The following AKAP13 variants were observed in gnomAD, a reference collection of about 807,000 sequenced individuals.
The protein encoded by AKAP13 is A-kinase anchoring protein 13, also known as A-kinase anchor protein 13.
AKAP13 carries 80 observed loss-of-function variants against 264.5 expected under a neutral mutation model. The observed-to-expected ratio is 0.30, with a 90% confidence interval of 0.25 to 0.36. AKAP13 has a LOEUF of 0.36. Ranked by LOEUF, AKAP13 falls within the 10% of genes least tolerant of loss-of-function variation. AKAP13 has a pLI of 1.00. For synonymous variants in AKAP13, 1,380 were observed against 1,250.2 expected (o/e 1.10, Z -2.19); for missense variants, 3,712 against 3,435.2 (o/e 1.08, Z -2.01).
intron 16 of AKAP13, among the ~76,000 whole-genome samples, chr15:85,688,637 G>A (rs2085082297): frequency 6.6e-6 from 1 of 152,152 alleles, no homozygotes; most frequent in African/African-American, 2.4e-5. Flanking sequence ...CATGTCCAAA[G>A]AAGCCAAAAG....
intron 5 of AKAP13, among the ~76,000 whole-genome samples, chr15:85,544,390 A>G (rs2077666568): frequency 6.6e-6 from 1 of 152,202 alleles, no homozygotes; most frequent in Non-Finnish European, 1.5e-5. Flanking sequence ...CTTCCATATT[A>G]TAATTGCATA....
intron 4 of AKAP13, among the ~76,000 whole-genome samples, chr15:85,538,136 A>C (rs187943778): frequency 6.6e-6 from 1 of 152,056 alleles, no homozygotes; most frequent in African/African-American, 2.4e-5. Flanking sequence ...TTTCCCTGAG[A>C]GACCCTTGTG....
At chr15:85,650,788 A>AAC (rs2082790241) in intron 10 of AKAP13, among the ~76,000 whole-genome samples, 14 of 125,046 alleles carry the variant, frequency 1.1e-4, no homozygotes, top group Middle Eastern at 4.5e-3. Context: ...AAAAAAAAAA[A>AAC]AACAACAAAA....
intron 17 of AKAP13, among the ~76,000 whole-genome samples, chr15:85,693,682 A>C (rs1316926487): frequency 6.6e-6 from 1 of 152,246 alleles, no homozygotes; most frequent in Non-Finnish European, 1.5e-5. Flanking sequence ...AAGATGGTTC[A>C]GCCTAGCTTT....
rs1447219741 is a variant in AKAP13, at chr15:85,718,173, T to G, written c.6001+14T>G. 54 of 1,612,832 alleles carry G rather than the reference T, an allele frequency of 3.3e-5. No homozygotes were observed. Among genetic ancestry groups the G allele is most frequent in the Non-Finnish European group, 4.4e-5 (52 of 1,179,170 alleles). ...AAGTAATATATGGTGAGAGTCTTCATTTTGCTCTGATTATATTTGATTTCC... is the reference window on the plus strand; with the variant it reads ...AAGTAATATATGGTGAGAGTCTTCAGTTTGCTCTGATTATATTTGATTTCC... On this transcript the variant is annotated intron_variant, in intron 22 of 36. Transcript: ENST00000394518. The surrounding 1 kb of genome is among the most constrained non-coding windows in gnomAD (Gnocchi z 4.9).
intron 14 of AKAP13, among the ~76,000 whole-genome samples, chr15:85,679,171 G>A (rs1459195101): frequency 2.0e-5 from 3 of 152,112 alleles, no homozygotes; most frequent in East Asian, 3.9e-4. Flanking sequence ...AACCCAGGAG[G>A]CGGAGGTTGC....
In AKAP13 at chr15:85,747,607, G is replaced by C. The variant is rs764051062; in HGVS notation, c.*2930G>C. 6.6e-6 allele frequency: 1 copy of C among 152,580 alleles called. No individual in the cohort carries two copies. Among genetic ancestry groups the C allele is most frequent in the Non-Finnish European group, 1.5e-5 (1 of 68,050 alleles). The allele number at this position is 152,580 out of a possible 1,614,324, so 9.5% of individuals were successfully genotyped here. On this transcript the variant is annotated 3_prime_UTR_variant, in exon 37 of 37. Coordinates refer to ENST00000394518, the MANE Select transcript of AKAP13 (RefSeq NM_007200.5). ...AATTCCAGTCATCTCAGTCGTTGTC[G>C]TTAGGTGACATGTGCACTTTAAATG... is the stretch of plus-strand genomic sequence containing the variant.
At chr15:85,698,330 G>A (rs2085682141) in intron 17 of AKAP13, among the ~76,000 whole-genome samples, 1 of 151,818 alleles carries the variant, frequency 6.6e-6, no homozygotes, top group East Asian at 1.9e-4. Flanking sequence ...GTCGGGCATG[G>A]TGGCAGTGCC....
At chr15:85,478,301 AGAT>A (rs1229585864) in intron 1 of AKAP13, among the ~76,000 whole-genome samples, 2 of 152,238 alleles carry the variant, frequency 1.3e-5, no homozygotes, top group African/African-American at 4.8e-5. Flanking sequence ...GTCAAGAAAA[AGAT>A]AACCTAAACA....
chr15:85,593,795 TC>T (rs2079688034), intron 8 of AKAP13, among the ~76,000 whole-genome samples: 1 of 91,616 alleles, frequency 1.1e-5, no homozygotes, highest in Admixed American at 1.1e-4. Context: ...CACTCATTTC[TC>T]TTTTGTTCAT....
chr15:85,606,116 T>TTTTG lies in AKAP13; in HGVS notation c.4161+20293_4161+20294insTTTG, dbSNP rs1397739820. 7.8e-4 allele frequency among the ~76,000 whole-genome samples: 110 copies of TTTTG among 141,732 alleles called. 3 individuals are homozygous for TTTTG. The highest frequency in any genetic ancestry group is 2.9e-3 in the African/African-American group (102 of 35,282). The allele number at this position is 141,732 out of a possible 152,430, so 93.0% of individuals were successfully genotyped here. A position where few individuals can be genotyped will look rare whatever the true frequency, so the allele number is the denominator to read the frequency against. On this transcript the variant is annotated intron_variant, in intron 8 of 36. Transcript: ENST00000394518. ...TTTTTTTTTTTTTTTTTTTTTTTTT[T>TTTTG]GTTGAGATGTAGTCTTGCTCTGTCA...
intron 1 of AKAP13, chr15:85,481,168 T>C (rs1450817095): frequency 6.6e-5 from 10 of 152,242 alleles, no homozygotes; most frequent in Non-Finnish European, 1.0e-4. Context: ...TGAGTTTCTC[T>C]GTGGTCCTCT....
intron 8 of AKAP13, among the ~76,000 whole-genome samples, chr15:85,635,579 TC>T (rs745623088): frequency 2.6e-5 from 4 of 152,162 alleles, no homozygotes; most frequent in Admixed American, 6.5e-5. Context: ...CATAGATTTA[TC>T]CTTTTTTTTC....
intron 3 of AKAP13, among the ~76,000 whole-genome samples, chr15:85,529,421 A>AAAAT (rs1028804795): frequency 5.9e-5 from 9 of 152,182 alleles, no homozygotes; most frequent in Non-Finnish European, 1.2e-4. Flanking sequence ...ACTCCGTCTC[A>AAAAT]AAATAAATAA....
intron 1 of AKAP13, among the ~76,000 whole-genome samples, chr15:85,403,836 A>G (rs1419657160): frequency 7.2e-6 from 1 of 139,756 alleles, no homozygotes; most frequent in African/African-American, 2.9e-5. Flanking sequence ...CAACAAGAGC[A>G]AAACTCCTCT....
At chr15:85,451,054 A>G (rs1222055735) in intron 1 of AKAP13, among the ~76,000 whole-genome samples, 1 of 152,176 alleles carries the variant, frequency 6.6e-6, no homozygotes, top group Non-Finnish European at 1.5e-5. Context: ...GGGTGCATAT[A>G]TATTTAAGAT....
intron 10 of AKAP13, among the ~76,000 whole-genome samples, chr15:85,655,212 A>T (rs1372814364): frequency 6.6e-6 from 1 of 152,062 alleles, no homozygotes; most frequent in African/African-American, 2.4e-5. Flanking sequence ...AAAAAAGAGG[A>T]TAGATCTAGA....
chr15:85,421,775 T>G (rs943110408), intron 1 of AKAP13, among the ~76,000 whole-genome samples: 7 of 152,360 alleles, frequency 4.6e-5, no homozygotes, highest in Middle Eastern at 3.4e-3. Flanking sequence ...TTTGTAGACT[T>G]ATTATTGTTT....
At chr15:85,610,461 A>G (rs1362680143) in intron 8 of AKAP13, among the ~76,000 whole-genome samples, 5 of 152,242 alleles carry the variant, frequency 3.3e-5, no homozygotes, top group Non-Finnish European at 7.3e-5. Flanking sequence ...CACAATCAAA[A>G]GTATACAAAA....
Sources: gnomAD v4.1 joint callset for allele counts (sites outside exome capture counted in the v4.1 genomes callset) on GRCh38, gnomAD v4.1.1 for gene constraint, Gnocchi (gnomAD v3.1) non-coding constraint, MANE v1.5 for transcripts, NCBI Gene and HGNC (gene_info 2026-07-23, HGNC 2026-07-21) for gene names.